Variants in RBFOX1 observed in about 807,000 individuals in gnomAD.
The protein encoded by RBFOX1 is RNA binding fox-1 homolog 1, also known as RNA binding protein fox-1 homolog 1.
In RBFOX1, 8 loss-of-function variants were observed where a neutral mutation model predicts 57.7. That is an observed-to-expected ratio of 0.14 (90% CI 0.08 to 0.25). The LOEUF is 0.25. Among genes scored for constraint, RBFOX1 ranks in the 10% least tolerant of loss-of-function variants. The pLI is 1.00. For missense variants in RBFOX1, 611 were observed against 548.5 expected, an observed-to-expected ratio of 1.11 and a Z score of -1.14; for synonymous variants, 326 against 222.4, an observed-to-expected ratio of 1.47 and a Z score of -4.15.
intron 4 of RBFOX1, among the ~76,000 whole-genome samples, chr16:7,484,213 C>T (rs1327063823): frequency 1.3e-5 from 2 of 152,058 alleles, no homozygotes; most frequent in Non-Finnish European, 2.9e-5. Flanking sequence ...TAGGAATATA[C>T]CAAGATGTGT....
At chr16:5,645,188 G>C (rs1226797200) in intron 3 of RBFOX1, among the ~76,000 whole-genome samples, 2 of 151,990 alleles carry the variant, frequency 1.3e-5, no homozygotes, top group African/African-American at 4.8e-5. Flanking sequence ...AGCAGAGGTT[G>C]CAGTGAGCCA....
intron 3 of RBFOX1, among the ~76,000 whole-genome samples, chr16:5,622,917 C>A (rs2048241501): frequency 6.6e-6 from 1 of 152,224 alleles, no homozygotes. Context: ...TATAACAACT[C>A]TTTACATGGC....
At chr16:6,533,524 C>T (rs1280496103) in intron 2 of RBFOX1, among the ~76,000 whole-genome samples, 1 of 152,120 alleles carries the variant, frequency 6.6e-6, no homozygotes, top group Admixed American at 6.6e-5. Context: ...CTTGATTGAT[C>T]CTGTGCTTTT....
At chr16:7,289,455 C>T (rs1252767828) in intron 4 of RBFOX1, among the ~76,000 whole-genome samples, 1 of 152,110 alleles carries the variant, frequency 6.6e-6, no homozygotes, top group South Asian at 2.1e-4. Flanking sequence ...TCATCATCAG[C>T]AAGAGCATCA....
chr16:7,506,136 G>T (rs1480585888), intron 4 of RBFOX1, among the ~76,000 whole-genome samples: 1 of 125,492 alleles, frequency 8.0e-6, no homozygotes, highest in African/African-American at 3.0e-5. Context: ...AGTGAGCAGA[G>T]ATCGCCCCAC....
chr16:6,515,770 C>G (rs2096364393), intron 2 of RBFOX1, among the ~76,000 whole-genome samples: 1 of 152,162 alleles, frequency 6.6e-6, no homozygotes, highest in Non-Finnish European at 1.5e-5. Context: ...AACATACTTG[C>G]ACCTGCTGTT....
intron 4 of RBFOX1, among the ~76,000 whole-genome samples, chr16:5,921,207 C>G (rs1435672375): frequency 6.6e-6 from 1 of 152,228 alleles, no homozygotes; most frequent in Non-Finnish European, 1.5e-5. Context: ...AACAAGAGTT[C>G]TGGTCCCATT....
chr16:7,430,914 G>A (rs907739348), intron 4 of RBFOX1, among the ~76,000 whole-genome samples: 11 of 152,296 alleles, frequency 7.2e-5, no homozygotes, highest in African/African-American at 2.6e-4. Context: ...CCAGACGTAG[G>A]GATATGCCAA....
At chr16:5,400,498 A>T (rs899595268) in intron 1 of RBFOX1, among the ~76,000 whole-genome samples, 1 of 152,220 alleles carries the variant, frequency 6.6e-6, no homozygotes, top group Non-Finnish European at 1.5e-5. Flanking sequence ...TCAAAACAAA[A>T]TTGAAATCAT....
intron 2 of RBFOX1, among the ~76,000 whole-genome samples, chr16:6,432,557 C>T (rs895115622): frequency 8.6e-5 from 13 of 151,616 alleles, no homozygotes; most frequent in Non-Finnish European, 1.8e-4. Flanking sequence ...TGGCGGATAC[C>T]TGTAATCCCA....
intron 1 of RBFOX1, among the ~76,000 whole-genome samples, chr16:6,175,757 G>A (rs1003943009): frequency 1.4e-4 from 22 of 152,306 alleles, no homozygotes; most frequent in Non-Finnish European, 2.8e-4. Context: ...GTACTGGTCT[G>A]TGGACTGCAC....
At chr16:6,763,016 T>C (rs2076841413) in intron 3 of RBFOX1, among the ~76,000 whole-genome samples, 1 of 125,948 alleles carries the variant, frequency 7.9e-6, no homozygotes, top group African/African-American at 2.9e-5. Context: ...ACATGCAAGA[T>C]AGAGAATGTG....
chr16:5,991,597 A>G (rs1016438025), intron 4 of RBFOX1, among the ~76,000 whole-genome samples: 1 of 151,928 alleles, frequency 6.6e-6, no homozygotes, highest in Non-Finnish European at 1.5e-5. Context: ...GCACAAGGAG[A>G]AACTCCTCAT....
intron 2 of RBFOX1, among the ~76,000 whole-genome samples, chr16:6,398,472 A>T (rs747145022): frequency 1.3e-5 from 2 of 152,186 alleles, no homozygotes; most frequent in Non-Finnish European, 2.9e-5. Context: ...AATCAAAAGC[A>T]AGTTAGGTAC....
intron 4 of RBFOX1, among the ~76,000 whole-genome samples, chr16:7,418,041 C>T (rs1475813127): frequency 6.6e-6 from 1 of 152,088 alleles, no homozygotes; most frequent in Non-Finnish European, 1.5e-5. Context: ...ATTTTCAGAT[C>T]ACATTCAGTC....
intron 4 of RBFOX1, among the ~76,000 whole-genome samples, chr16:5,984,936 G>T (rs1376924154): frequency 7.7e-6 from 1 of 129,610 alleles, no homozygotes; most frequent in South Asian, 2.6e-4. Context: ...ACCTGTATAG[G>T]GCAACTCCAT....
rs149543989 is a variant in RBFOX1 at position 6,965,467 on chromosome 16, G to C, written c.-15-86590G>C. On this transcript the variant is annotated intron_variant, in intron 3 of 15. Transcript: ENST00000550418. ...TTCTTCTGCCTAAACCTCCCCAGTA[G>C]CTGGGATTACAGGCGTGCGCCACCA... Among the ~76,000 whole-genome samples, 179 of 152,164 alleles carry C rather than the reference G, an allele frequency of 1.2e-3. 1 individual carries two copies. The highest frequency in any genetic ancestry group is 3.8e-3 in the African/African-American group (159 of 41,512).
chr16:6,059,870 C>A (rs1490812931), intron 1 of RBFOX1, among the ~76,000 whole-genome samples: 1 of 152,060 alleles, frequency 6.6e-6, no homozygotes, highest in African/African-American at 2.4e-5. Context: ...TATCCTGAGA[C>A]CCATAATGAC....
chr16:6,425,548 C>T (rs935663841), intron 2 of RBFOX1, among the ~76,000 whole-genome samples: 3 of 152,110 alleles, frequency 2.0e-5, no homozygotes, highest in Non-Finnish European at 4.4e-5. Context: ...AAGACTGTGA[C>T]TTCATGTTCC....
Sources: allele counts gnomAD v4.1 joint callset (sites outside exome capture counted in the v4.1 genomes callset), GRCh38; gene constraint gnomAD v4.1.1; transcripts MANE v1.5; gene names NCBI Gene and HGNC (gene_info 2026-07-23, HGNC 2026-07-21).